SAMMSON: variants seen among roughly 807,000 people sequenced by gnomAD.
The protein encoded by SAMMSON is survival associated mitochondrial melanoma specific oncogenic non-coding RNA, also known as long intergenic non-protein coding RNA 1212.
intron 6 of SAMMSON, among the ~76,000 whole-genome samples, chr3:70,286,496 G>A (rs1328845023): frequency 1.3e-5 from 2 of 151,632 alleles, no homozygotes; most frequent in African/African-American, 4.9e-5. Context: ...GTAGTGTGAT[G>A]CCTCCAGCTT....
At chr3:70,303,608 C>G (rs1352376123) in intron 7 of SAMMSON, among the ~76,000 whole-genome samples, 3 of 152,114 alleles carry the variant, frequency 2.0e-5, no homozygotes, top group Admixed American at 2.0e-4. Context: ...TTATTTTCCT[C>G]TCAAAAACCG....
chr3:70,276,132 T>C (rs1702023401), intron 6 of SAMMSON, among the ~76,000 whole-genome samples: 1 of 152,080 alleles, frequency 6.6e-6, no homozygotes, highest in Admixed American at 6.6e-5. Context: ...GTTTTGCCAG[T>C]TTTTTTCCTG....
intron 4 of SAMMSON, among the ~76,000 whole-genome samples, chr3:70,118,777 C>T (rs981192372): frequency 6.6e-6 from 1 of 152,056 alleles, no homozygotes; most frequent in African/African-American, 2.4e-5. Flanking sequence ...AGCTGTTACC[C>T]CTATTTTACA....
chr3:70,145,577 A>G (rs1208517363), intron 4 of SAMMSON, among the ~76,000 whole-genome samples: 1 of 152,144 alleles, frequency 6.6e-6, no homozygotes, highest in East Asian at 1.9e-4. Context: ...CTTGGAAATT[A>G]AGCAACACAC....
chr3:70,283,952 C>A (rs1702115064), intron 6 of SAMMSON: 1 of 152,052 alleles, frequency 6.6e-6, no homozygotes, highest in African/African-American at 2.4e-5. Flanking sequence ...TGCTTTACTT[C>A]TGATCCCTGA....
intron 4 of SAMMSON, among the ~76,000 whole-genome samples, chr3:70,118,247 G>T (rs74280903): frequency 6.6e-6 from 1 of 152,046 alleles, no homozygotes; most frequent in Non-Finnish European, 1.5e-5. Flanking sequence ...TAATATGCAC[G>T]GACAAATACA....
chr3:70,227,320 C>G (rs1297790359), intron 4 of SAMMSON, among the ~76,000 whole-genome samples: 1 of 152,204 alleles, frequency 6.6e-6, no homozygotes, highest in East Asian at 1.9e-4. Context: ...ACTGTGATAA[C>G]AGTCTCTCTA....
intron 3 of SAMMSON, among the ~76,000 whole-genome samples, chr3:70,019,069 G>T (rs575371686): frequency 6.6e-6 from 1 of 152,298 alleles, no homozygotes; most frequent in South Asian, 2.1e-4. Context: ...TTGATTTGGG[G>T]TGGAGAGTTC....
rs73838079 is a variant in SAMMSON at position 70,212,658 on chromosome 3, C to T, written n.508-36449C>T. Among the ~76,000 whole-genome samples, 499 of 152,194 alleles carry T rather than the reference C, an allele frequency of 3.3e-3. 6 individuals carry two copies. The highest frequency in any genetic ancestry group is 0.012 in the African/African-American group (480 of 41,548). On this transcript the variant is annotated intron_variant and non_coding_transcript_variant, in intron 4 of 9. Transcript: ENST00000642114. ...ACAACTCTCTTCAAGATATCTTATG[C>T]ATTATAATCAAAATTATACTTTGGA...
chr3:70,171,618 G>C (rs928135914), intron 4 of SAMMSON, among the ~76,000 whole-genome samples: 4 of 151,658 alleles, frequency 2.6e-5, no homozygotes, highest in African/African-American at 4.8e-5. Flanking sequence ...CAGTCTTTGG[G>C]GGGGGGAGCT....
intron 4 of SAMMSON, among the ~76,000 whole-genome samples, chr3:70,156,735 AT>A (rs921924186): frequency 6.6e-6 from 1 of 151,908 alleles, no homozygotes; most frequent in Non-Finnish European, 1.5e-5. Context: ...AAAATGTCTG[AT>A]TTTTTTTCTT....
At chr3:70,077,079 G>A (rs971979968) in intron 4 of SAMMSON, among the ~76,000 whole-genome samples, 3 of 152,110 alleles carry the variant, frequency 2.0e-5, no homozygotes, top group African/African-American at 7.2e-5. Context: ...CATTAACTCT[G>A]TGACTGGCTC....
At chr3:70,015,985 G>A (rs948679271) in intron 3 of SAMMSON, among the ~76,000 whole-genome samples, 13 of 152,170 alleles carry the variant, frequency 8.5e-5, no homozygotes, top group Non-Finnish European at 1.9e-4. Flanking sequence ...TGGGTTGGTT[G>A]CAAGTCTTTG....
chr3:70,042,482 C>G (rs1307810398), intron 3 of SAMMSON, among the ~76,000 whole-genome samples: 2 of 151,950 alleles, frequency 1.3e-5, no homozygotes, highest in Non-Finnish European at 2.9e-5. Flanking sequence ...GTTGTTTTTA[C>G]TTTTTAAAAA....
At chr3:70,108,142 G>C (rs549717632) in intron 4 of SAMMSON, among the ~76,000 whole-genome samples, 1 of 152,068 alleles carries the variant, frequency 6.6e-6, no homozygotes, top group South Asian at 2.1e-4. Context: ...TGTTAGACTG[G>C]TTTCTTGAAA....
intron 7 of SAMMSON, among the ~76,000 whole-genome samples, chr3:70,313,106 A>G (rs1047065419): frequency 1.3e-5 from 2 of 152,178 alleles, no homozygotes; most frequent in Non-Finnish European, 2.9e-5. Flanking sequence ...ATCTGTAGAT[A>G]TTCCAAAGGG....
chr3:70,118,154 C>T (rs1418974970), intron 4 of SAMMSON, among the ~76,000 whole-genome samples: 3 of 152,070 alleles, frequency 2.0e-5, no homozygotes, highest in Non-Finnish European at 2.9e-5. Context: ...GATCTCCTGA[C>T]CTTGTGATCC....
At chr3:70,325,568 A>C (rs1421601533) in intron 7 of SAMMSON, among the ~76,000 whole-genome samples, 1 of 152,164 alleles carries the variant, frequency 6.6e-6, no homozygotes, top group East Asian at 1.9e-4. Context: ...GTAGTCCCTT[A>C]TATGGTGAGA....
intron 2 of SAMMSON, among the ~76,000 whole-genome samples, chr3:70,399,832 G>A (rs532886983): frequency 8.1e-5 from 12 of 148,306 alleles, no homozygotes; most frequent in South Asian, 4.3e-4. Context: ...CTGAAATCTC[G>A]TGACAGAGCA....
Sources: allele counts gnomAD v4.1 joint callset (sites outside exome capture counted in the v4.1 genomes callset), GRCh38; gene constraint gnomAD v4.1.1; transcripts MANE v1.5; gene names NCBI Gene and HGNC (gene_info 2026-07-23, HGNC 2026-07-21).